Variants in WDTC1 observed in about 807,000 individuals in gnomAD.
The protein encoded by WDTC1 is WD and tetratricopeptide repeats protein 1.
Under a neutral mutation model 76.0 loss-of-function variants are expected in WDTC1, and 12 were observed. The observed-to-expected ratio is 0.16, with a 90% CI of 0.10 to 0.26. The LOEUF (loss-of-function observed/expected upper bound fraction) is 0.26. Among genes scored for constraint, WDTC1 ranks in the 10% least tolerant of loss-of-function variants. WDTC1 has a pLI of 1.00. For missense variants in WDTC1, 511 were observed against 908.8 expected (o/e 0.56, Z 5.63); for synonymous variants, 326 against 350.8 (o/e 0.93, Z 0.79).
chr1:27,294,284 C>A (rs777326990), intron 8 of WDTC1, among the ~76,000 whole-genome samples, 168 bp downstream of exon 8: 1 of 152,094 alleles, frequency 6.6e-6, no homozygotes, highest in African/African-American at 2.4e-5. Flanking sequence ...TCACCTTCAG[C>A]AAATTACAGA....
intron 1 of WDTC1, among the ~76,000 whole-genome samples, chr1:27,259,302 G>A (rs1188743341): frequency 1.3e-5 from 2 of 151,116 alleles, no homozygotes; most frequent in African/African-American, 4.9e-5. Flanking sequence ...TGGGACTACA[G>A]GCGCATGCCA....
rs201828710 is a variant in WDTC1 at position 27,308,577 on chromosome 1, G to GTATA, written c.*2203_*2206dup. 4 of 151,886 alleles carry GTATA rather than the reference G, an allele frequency of 2.6e-5. No homozygotes were observed. The highest frequency in any genetic ancestry group is 5.9e-5 in the Non-Finnish European group (4 of 67,942). 9.4% of individuals were successfully genotyped at this position (151,886 alleles called of 1,614,324 possible). On this transcript the variant is annotated 3_prime_UTR_variant, in exon 16 of 16. Transcript: ENST00000319394. ...TGATTACTTGTAGATATGTGTGTGT[G>GTATA]TATATATATATAAAAAAAATGAACA...
At position 27,261,012 on chromosome 1, in the gene WDTC1, A is replaced by C; in HGVS notation, c.-43A>C. 1 of 1,611,762 alleles carries C rather than the reference A, an allele frequency of 6.2e-7. No individual in the cohort carries two copies. On this transcript the variant is annotated 5_prime_UTR_variant, in exon 2 of 16. Coordinates refer to ENST00000319394, the MANE Select transcript of WDTC1 (RefSeq NM_001276252.2). ...TTGGCTGGAATGCTCAGGGGTCCTG[A>C]AGATCCTATTATAGCTTCCTTCTGT...
chr1:27,296,518 T>A, intron 10 of WDTC1, 117 bp downstream of exon 10: 1 of 1,090,738 alleles, frequency 9.2e-7, no homozygotes. Context: ...AAATAGCAGA[T>A]CTCTGAAATA....
At chr1:27,275,386 G>A (rs1423030173) in intron 3 of WDTC1, among the ~76,000 whole-genome samples, 1 of 152,084 alleles carries the variant, frequency 6.6e-6, no homozygotes, top group Non-Finnish European at 1.5e-5. Context: ...TAGATACCAA[G>A]TTCATTAAAC....
At chr1:27,304,803 C>T (rs2013912920) in intron 14 of WDTC1, 198 bp from the exon 15 acceptor site, 15 of 530,378 alleles carry the variant, frequency 2.8e-5, no homozygotes, top group South Asian at 2.0e-4. Context: ...TCCAGGTAGT[C>T]GCTGGCCCTA....
intron 7 of WDTC1, among the ~76,000 whole-genome samples, chr1:27,293,542 A>G (rs2013599038): frequency 6.6e-6 from 1 of 151,808 alleles, no homozygotes; most frequent in African/African-American, 2.4e-5. Flanking sequence ...AATCTCTTAT[A>G]GTGTCTTTCT....
chr1:27,242,797 A>G (rs540358242), intron 1 of WDTC1, among the ~76,000 whole-genome samples: 1 of 152,304 alleles, frequency 6.6e-6, no homozygotes, highest in Non-Finnish European at 1.5e-5. Context: ...CTCAAACAGC[A>G]ATACGGAGCC....
chr1:27,238,019 G>C (rs531187983), intron 1 of WDTC1, among the ~76,000 whole-genome samples: 1 of 152,198 alleles, frequency 6.6e-6, no homozygotes, highest in Admixed American at 6.5e-5. Flanking sequence ...GTGCTAGCTA[G>C]TATTTTTACT....
At chr1:27,248,503 T>A (rs2011925578) in intron 1 of WDTC1, among the ~76,000 whole-genome samples, 1 of 152,212 alleles carries the variant, frequency 6.6e-6, no homozygotes, top group Non-Finnish European at 1.5e-5. Context: ...GATTGTTTTT[T>A]TCTTACACAT....
intron 1 of WDTC1, among the ~76,000 whole-genome samples, chr1:27,249,483 G>A (rs1360630006): frequency 6.6e-6 from 1 of 151,944 alleles, no homozygotes; most frequent in Non-Finnish European, 1.5e-5. Context: ...CCTTCTTATG[G>A]CCAAATAACA....
At chr1:27,288,849 C>G (rs913231514) in intron 6 of WDTC1, among the ~76,000 whole-genome samples, 4 of 152,312 alleles carry the variant, frequency 2.6e-5, no homozygotes, top group African/African-American at 9.6e-5. Context: ...CTGGCCCGTT[C>G]TCAATGAGCT....
intron 6 of WDTC1, among the ~76,000 whole-genome samples, chr1:27,291,172 T>C (rs1416554985): frequency 6.6e-6 from 1 of 152,214 alleles, no homozygotes; most frequent in East Asian, 1.9e-4. Flanking sequence ...GCAGAGTGTA[T>C]TCCCCAGCTT....
chr1:27,249,926 A>G (rs1439638313), intron 1 of WDTC1, among the ~76,000 whole-genome samples: 1 of 152,078 alleles, frequency 6.6e-6, no homozygotes, highest in African/African-American at 2.4e-5. Context: ...CTTCACTTTT[A>G]ACAACGTCAC....
At chr1:27,268,528 C>G (rs1469155163) in intron 3 of WDTC1, among the ~76,000 whole-genome samples, 2 of 151,566 alleles carry the variant, frequency 1.3e-5, no homozygotes, top group African/African-American at 2.4e-5. Flanking sequence ...AAGTGATTCT[C>G]CTGCCCCAGC....
chr1:27,275,056 C>A (rs1288871653), intron 3 of WDTC1, among the ~76,000 whole-genome samples: 6 of 152,170 alleles, frequency 3.9e-5, no homozygotes, highest in Non-Finnish European at 5.9e-5. Flanking sequence ...TTAAAAATGG[C>A]TTAATAGATA....
In WDTC1 at chr1:27,292,290, G is replaced by A. The variant is rs746687505; in HGVS notation, c.555G>A (p.Val185=). ...TGACAGAGTACTGTGGCCAGCTGGT[G>A]GAGGCCAAGTGCCTCACTGTCAACC... The part of the protein sequence containing the change: ...IDLTEYCGQL[V]EAKCLTVNPQ... Residue 185 remains valine (V), a synonymous_variant, in exon 7 of 16, where the codon GTG becomes GTA. Coordinates refer to ENST00000319394, the MANE Select transcript of WDTC1 (RefSeq NM_001276252.2). The A allele has an allele frequency of 2.4e-5, 38 of 1,613,118 alleles. No individual in the cohort carries two copies. The highest frequency in any genetic ancestry group is 4.0e-5 in the African/African-American group (3 of 74,882).
intron 7 of WDTC1, 131 bp from the exon 8 acceptor site, chr1:27,293,891 G>A: frequency 1.3e-6 from 1 of 750,690 alleles, no homozygotes; most frequent in Non-Finnish European, 2.2e-6. Context: ...CTTTGGGGTT[G>A]CTTAGGTAAG....
chr1:27,282,472 A>G (rs2013215286), intron 4 of WDTC1, among the ~76,000 whole-genome samples, 187 bp downstream of exon 4: 1 of 152,132 alleles, frequency 6.6e-6, no homozygotes, highest in African/African-American at 2.4e-5. Flanking sequence ...ATAGATGGAA[A>G]GTTGGATGAC....
Sources: allele counts gnomAD v4.1 joint callset (sites outside exome capture counted in the v4.1 genomes callset), GRCh38; gene constraint gnomAD v4.1.1; transcripts MANE v1.5; gene names NCBI Gene and HGNC (gene_info 2026-07-23, HGNC 2026-07-21).